The following NAV3 variants were observed in gnomAD, a reference collection of about 807,000 sequenced individuals.
NAV3 encodes the protein neuron navigator 3, also known as pore membrane and/or filament interacting like protein 1.
In NAV3, 87 loss-of-function variants were observed where a neutral mutation model predicts 244.7. The observed-to-expected ratio is 0.36, with a 90% CI of 0.30 to 0.42. The LOEUF (loss-of-function observed/expected upper bound fraction) is 0.42. NAV3 is among the 20% of genes least tolerant of loss of function. The probability of loss-of-function intolerance (pLI) is 1.00; values close to 1 mark genes in which losing one functional copy is unlikely to be tolerated. For missense variants in NAV3, 2,663 were observed against 2,893.3 expected, an observed-to-expected ratio of 0.92 and a Z score of 1.83; for synonymous variants, 1,126 against 1,042.2, an observed-to-expected ratio of 1.08 and a Z score of -1.55.
intron 2 of NAV3, among the ~76,000 whole-genome samples, chr12:77,766,509 C>T (rs1869759605): frequency 6.6e-6 from 1 of 151,960 alleles, no homozygotes; most frequent in African/African-American, 2.4e-5. Flanking sequence ...TGGATAATGG[C>T]CAAGGGAATG....
chr12:77,750,294 A>G (rs1457302633), intron 2 of NAV3, among the ~76,000 whole-genome samples: 1 of 152,212 alleles, frequency 6.6e-6, no homozygotes, highest in Non-Finnish European at 1.5e-5. Context: ...CAGAGGTTGC[A>G]GTGAGCTGAG....
At chr12:77,747,254 A>G (rs1035766395) in intron 2 of NAV3, among the ~76,000 whole-genome samples, 1 of 152,150 alleles carries the variant, frequency 6.6e-6, no homozygotes, top group Non-Finnish European at 1.5e-5. Flanking sequence ...GTGTCTGTTC[A>G]TATCCTTCAT....
At chr12:78,056,891 C>T (rs553039452) in intron 11 of NAV3, among the ~76,000 whole-genome samples, 37 of 152,246 alleles carry the variant, frequency 2.4e-4, no homozygotes, top group African/African-American at 8.2e-4. Context: ...CATGTAACCA[C>T]GAAGAACGTC....
intron 20 of NAV3, among the ~76,000 whole-genome samples, chr12:78,145,858 A>T (rs1249486855): frequency 1.3e-5 from 2 of 152,196 alleles, no homozygotes; most frequent in Non-Finnish European, 2.9e-5. Context: ...ATCTGTGGTT[A>T]TCAGTAGAGG....
chr12:78,159,859 A>T (rs1042728982), intron 23 of NAV3, among the ~76,000 whole-genome samples: 12 of 152,152 alleles, frequency 7.9e-5, no homozygotes, highest in African/African-American at 2.7e-4. Flanking sequence ...AATGTTAAGA[A>T]AGAGAAACAG....
Position 78,021,877 on chromosome 12 carries a change from C to T in NAV3, c.2023+15C>T, listed in dbSNP as rs1457308674. On this transcript the variant is annotated intron_variant, in intron 9 of 39. Transcript: ENST00000397909. ...GGAGATATCTGGTAAGTGACCTCAT[C>T]GATGCATAGGTCAAACCTAGGAATT... The T allele has an allele frequency of 9.2e-6, 14 of 1,514,534 alleles. No individual in the cohort carries two copies. The highest frequency in any genetic ancestry group is 6.8e-5 in the East Asian group (3 of 43,936). 93.8% of individuals were successfully genotyped at this position (1,514,534 alleles called of 1,614,324 possible). A position where few individuals can be genotyped will look rare whatever the true frequency, so the allele number is the denominator to read the frequency against.
chr12:78,126,352 C>T (rs1446769640), intron 16 of NAV3, among the ~76,000 whole-genome samples: 2 of 152,132 alleles, frequency 1.3e-5, no homozygotes, highest in Non-Finnish European at 2.9e-5. Flanking sequence ...AGCTATAATT[C>T]TGCAATTTTA....
chr12:77,884,687 C>T (rs941737638), intron 1 of NAV3, among the ~76,000 whole-genome samples: 2 of 152,072 alleles, frequency 1.3e-5, no homozygotes, highest in Non-Finnish European at 2.9e-5. Context: ...CTTCCTTATT[C>T]GGTCCCTTAA....
chr12:77,953,245 C>A (rs17817862), intron 3 of NAV3, among the ~76,000 whole-genome samples: 1 of 151,980 alleles, frequency 6.6e-6, no homozygotes, highest in Non-Finnish European at 1.5e-5. Context: ...TCCTCGGGAA[C>A]TTTCCATATC....
chr12:78,012,197 C>T (rs919702629), intron 8 of NAV3, among the ~76,000 whole-genome samples: 1 of 152,100 alleles, frequency 6.6e-6, no homozygotes, highest in Non-Finnish European at 1.5e-5. Flanking sequence ...AGCTAGTCTT[C>T]CTAACCCTTC....
intron 2 of NAV3, among the ~76,000 whole-genome samples, chr12:77,791,772 C>T (rs1187369564): frequency 6.6e-6 from 1 of 152,224 alleles, no homozygotes; most frequent in Non-Finnish European, 1.5e-5. Flanking sequence ...ATGGCTGCAT[C>T]TGTACTGAAC....
Position 77,655,859 on chromosome 12 carries a change from G to T in NAV3, c.72+83593G>T, listed in dbSNP as rs186477361. ...AGAATTTCATATCCAGCCAAACTAA[G>T]CTTCATAAGTGAAGGAGAAATAAAA... On this transcript the variant is annotated intron_variant, in intron 2 of 8. Transcript: ENST00000550042. 5.6e-4 allele frequency among the ~76,000 whole-genome samples: 84 copies of T among 151,264 alleles called. 1 individual carries two copies. The highest frequency in any genetic ancestry group is 1.5e-3 in the African/African-American group (62 of 40,870).
intron 34 of NAV3, among the ~76,000 whole-genome samples, chr12:78,190,577 C>G (rs564902123): frequency 1.3e-5 from 2 of 152,080 alleles, no homozygotes; most frequent in Admixed American, 6.6e-5. Context: ...GGCATCAGAG[C>G]TTTATAAAGG....
At chr12:77,700,631 A>G (rs1023311912) in intron 2 of NAV3, among the ~76,000 whole-genome samples, 2 of 152,086 alleles carry the variant, frequency 1.3e-5, no homozygotes, top group Non-Finnish European at 2.9e-5. Context: ...TTAGTCTTTT[A>G]CCACTGAGTA....
intron 11 of NAV3, among the ~76,000 whole-genome samples, chr12:78,054,293 A>C (rs1883172440): frequency 6.6e-6 from 1 of 152,208 alleles, no homozygotes; most frequent in Non-Finnish European, 1.5e-5. Context: ...GGGACAGTGG[A>C]TTAGATGATA....
intron 1 of NAV3, among the ~76,000 whole-genome samples, chr12:77,914,415 T>C (rs1215061900): frequency 1.3e-5 from 2 of 152,110 alleles, no homozygotes; most frequent in Non-Finnish European, 2.9e-5. Context: ...TTTGATATCT[T>C]AGTGAGGGAT....
chr12:78,160,159 A>G (rs571112229), intron 23 of NAV3, among the ~76,000 whole-genome samples: 1 of 152,242 alleles, frequency 6.6e-6, no homozygotes, highest in South Asian at 2.1e-4. Context: ...CTTAAAATGA[A>G]CCTAAAGGAT....
At chr12:77,849,344 C>G (rs1877139317) in intron 1 of NAV3, among the ~76,000 whole-genome samples, 1 of 152,136 alleles carries the variant, frequency 6.6e-6, no homozygotes, top group South Asian at 2.1e-4. Flanking sequence ...ATCCTAGAGA[C>G]TGTTCATGAT....
chr12:77,883,323 A>G (rs940083098), intron 1 of NAV3, among the ~76,000 whole-genome samples: 1 of 152,132 alleles, frequency 6.6e-6, no homozygotes, highest in Non-Finnish European at 1.5e-5. Flanking sequence ...CCATTATCCC[A>G]AGCAAATTAA....
Sources: gnomAD v4.1 joint callset for allele counts (sites outside exome capture counted in the v4.1 genomes callset) on GRCh38, gnomAD v4.1.1 for gene constraint, MANE v1.5 for transcripts, NCBI Gene and HGNC (gene_info 2026-07-23, HGNC 2026-07-21) for gene names.